Variants in ALK observed in about 807,000 individuals in gnomAD.
The protein encoded by ALK is ALK tyrosine kinase receptor.
In ALK, 74 loss-of-function variants were observed where a neutral mutation model predicts 163.1. The observed-to-expected ratio is 0.45, with a 90% confidence interval of 0.38 to 0.55. The LOEUF is 0.55. Ranked by LOEUF, ALK falls within the 20% of genes least tolerant of loss-of-function variation. The probability of loss-of-function intolerance (pLI) is 0.00; values close to 1 mark genes in which losing one functional copy is unlikely to be tolerated. For synonymous variants in ALK, 960 were observed against 843.2 expected (o/e 1.14, Z -2.40); for missense variants, 2,063 against 2,105.3 (o/e 0.98, Z 0.39).
chr2:29,889,333 T>G (rs911296940), intron 1 of ALK, among the ~76,000 whole-genome samples: 2 of 152,034 alleles, frequency 1.3e-5, no homozygotes, highest in African/African-American at 4.8e-5. Flanking sequence ...TAACACAATT[T>G]TATTTACTAA....
At chr2:29,574,593 G>C (rs957177889) in intron 3 of ALK, among the ~76,000 whole-genome samples, 2 of 152,246 alleles carry the variant, frequency 1.3e-5, no homozygotes, top group Non-Finnish European at 2.9e-5. Flanking sequence ...GGTATGAAGC[G>C]CCTCTTGGCA....
chr2:29,241,872 A>G (rs200456674), intron 12 of ALK, among the ~76,000 whole-genome samples: 1 of 152,170 alleles, frequency 6.6e-6, no homozygotes, highest in East Asian at 1.9e-4. Flanking sequence ...CTGAGGCCAC[A>G]CAGCCAGTCA....
At chr2:29,881,994 C>T (rs1218994065) in intron 1 of ALK, among the ~76,000 whole-genome samples, 2 of 152,142 alleles carry the variant, frequency 1.3e-5, no homozygotes, top group African/African-American at 4.8e-5. Context: ...CTGATCTGAC[C>T]CTCAGCCCTT....
intron 1 of ALK, among the ~76,000 whole-genome samples, chr2:29,739,332 G>T (rs186926814): frequency 1.4e-4 from 21 of 150,726 alleles, no homozygotes; most frequent in African/African-American, 4.2e-4. Flanking sequence ...GCCCAAGGCG[G>T]GTAGATCACA....
At chr2:29,775,959 C>A (rs1161618985) in intron 1 of ALK, among the ~76,000 whole-genome samples, 5 of 152,140 alleles carry the variant, frequency 3.3e-5, no homozygotes, top group Non-Finnish European at 5.9e-5. Context: ...CCAGGAAACT[C>A]CCAGGTATAC....
chr2:29,479,311 G>A (rs1671603921), intron 4 of ALK, among the ~76,000 whole-genome samples: 1 of 152,196 alleles, frequency 6.6e-6, no homozygotes. Flanking sequence ...CACAGCCTCA[G>A]TCTTTCTTCA....
intron 3 of ALK, among the ~76,000 whole-genome samples, chr2:29,565,874 A>G (rs932890538): frequency 1.3e-5 from 2 of 152,228 alleles, no homozygotes; most frequent in East Asian, 1.9e-4. Flanking sequence ...CAGTTAAAAA[A>G]GGGAGGAAAG....
chr2:29,199,918 T>C (rs1035679705), intron 26 of ALK, among the ~76,000 whole-genome samples: 5 of 152,174 alleles, frequency 3.3e-5, no homozygotes, highest in African/African-American at 7.2e-5. Context: ...CTAAGAAACA[T>C]GGGGTGCTTT....
chr2:29,367,130 C>T (rs922781520), intron 5 of ALK, among the ~76,000 whole-genome samples: 5 of 152,026 alleles, frequency 3.3e-5, no homozygotes, highest in Non-Finnish European at 7.4e-5. Flanking sequence ...GCCATGTGTT[C>T]CATTTATTTC....
intron 3 of ALK, among the ~76,000 whole-genome samples, chr2:29,686,526 C>T (rs919839020): frequency 6.6e-5 from 10 of 152,218 alleles, no homozygotes; most frequent in African/African-American, 2.2e-4. Flanking sequence ...TATTGACCAT[C>T]TAGTCTAAGA....
chr2:29,748,588 T>G (rs1036454766), intron 1 of ALK, among the ~76,000 whole-genome samples: 3 of 152,188 alleles, frequency 2.0e-5, no homozygotes, highest in Non-Finnish European at 4.4e-5. Context: ...AAGAAGCCCG[T>G]GGGAAGCATG....
At chr2:29,531,402 T>C (rs745339932) in intron 4 of ALK, among the ~76,000 whole-genome samples, 1 of 152,086 alleles carries the variant, frequency 6.6e-6, no homozygotes, top group Non-Finnish European at 1.5e-5. Flanking sequence ...TTGGTGGTTG[T>C]AGCACAAAGC....
chr2:29,699,698 C>A (rs1678676000), intron 2 of ALK, among the ~76,000 whole-genome samples: 1 of 152,138 alleles, frequency 6.6e-6, no homozygotes, highest in Non-Finnish European at 1.5e-5. Flanking sequence ...AGATCTTGAC[C>A]TTTTTTTGTT....
chr2:29,511,266 AG>A (rs1171398503), intron 4 of ALK, among the ~76,000 whole-genome samples: 2 of 151,994 alleles, frequency 1.3e-5, no homozygotes, highest in East Asian at 1.9e-4. Context: ...CCTTCCAAAA[AG>A]TTATCTTGTC....
intron 4 of ALK, among the ~76,000 whole-genome samples, chr2:29,483,680 T>C (rs1453331950): frequency 6.6e-6 from 1 of 152,234 alleles, no homozygotes; most frequent in Non-Finnish European, 1.5e-5. Context: ...TCATTACTTT[T>C]TACTATTTTT....
intron 1 of ALK, among the ~76,000 whole-genome samples, chr2:29,748,054 C>A (rs1363358293): frequency 6.6e-6 from 1 of 152,192 alleles, no homozygotes; most frequent in African/African-American, 2.4e-5. Context: ...CCTGTCTCCT[C>A]TGGGAAAACA....
Position 29,908,279 on chromosome 2 carries a change from A to AGC in ALK, c.667+11712_667+11713dup, listed in dbSNP as rs1161034303. On this transcript the variant is annotated intron_variant, in intron 1 of 28. Transcript: ENST00000389048. The stretch of plus-strand genomic sequence containing the variant: ...TGCTCTGGCTGGTTCTACTCTCCAG[A>AGC]GCACACACACACACACACACACACA... 9.4e-5 allele frequency among the ~76,000 whole-genome samples: 5 copies of AGC among 52,920 alleles called. No individual in the cohort carries two copies. The East Asian group carries it at 5.7e-3, about 60-fold the overall frequency. 34.7% of individuals were successfully genotyped at this position (52,920 alleles called of 152,430 possible). A position where few individuals can be genotyped will look rare whatever the true frequency, so the allele number is the denominator to read the frequency against.
At chr2:29,633,669 C>T (rs1344032654) in intron 3 of ALK, among the ~76,000 whole-genome samples, 1 of 151,876 alleles carries the variant, frequency 6.6e-6, no homozygotes, top group Non-Finnish European at 1.5e-5. Context: ...TAACATACCT[C>T]TAGCTAGAAT....
intron 4 of ALK, among the ~76,000 whole-genome samples, chr2:29,488,026 A>T (rs2148122953): frequency 6.6e-6 from 1 of 152,096 alleles, no homozygotes; most frequent in South Asian, 2.1e-4. Context: ...AGTTATACAC[A>T]TATGCACGTG....
Sources: gnomAD v4.1 joint callset for allele counts (sites outside exome capture counted in the v4.1 genomes callset) on GRCh38, gnomAD v4.1.1 for gene constraint, MANE v1.5 for transcripts, NCBI Gene and HGNC (gene_info 2026-07-23, HGNC 2026-07-21) for gene names.